The following GNAI2 variants were observed in gnomAD, a reference collection of about 807,000 sequenced individuals.
GNAI2 encodes the protein G protein subunit alpha i2, also known as guanine nucleotide-binding protein G(i) subunit alpha-2.
A neutral mutation model predicts 36.8 loss-of-function variants in GNAI2; 4 were observed. That is an observed-to-expected ratio of 0.11 (90% confidence interval 0.05 to 0.25). The LOEUF (loss-of-function observed/expected upper bound fraction) is 0.25. Among genes scored for constraint, GNAI2 ranks in the 10% least tolerant of loss-of-function variants. GNAI2 has a pLI of 1.00. For synonymous variants in GNAI2, 194 were observed against 194.1 expected, an observed-to-expected ratio of 1.00 and a Z score of 0.01; for missense variants, 230 against 481.3, an observed-to-expected ratio of 0.48 and a Z score of 4.89.
chr3:50,244,292 G>C (rs1375633599), intron 1 of GNAI2, among the ~76,000 whole-genome samples: 1 of 152,192 alleles, frequency 6.6e-6, no homozygotes. Flanking sequence ...GCCTCCCAGA[G>C]TGCTGGGATT....
chr3:50,244,025 CTTTT>C (rs782681282), intron 1 of GNAI2, among the ~76,000 whole-genome samples: 2 of 120,412 alleles, frequency 1.7e-5, no homozygotes, highest in Non-Finnish European at 1.7e-5. Context: ...CCCTCCACTC[CTTTT>C]TTTTTTTTTT....
At position 50,256,315 on chromosome 3, in the gene GNAI2, C is replaced by T. The variant is rs797039274; in HGVS notation, c.588C>T (p.His196=). 5 of 1,613,850 alleles carry T rather than the reference C, an allele frequency of 3.1e-6. No individual in the cohort carries two copies. The African/African-American group carries it at 4.0e-5, about 13-fold the overall frequency. ...CACACTTCACCTTCAAGGACCTACA[C>T]TTCAAGTGAGCGAGCATGTGGACAG... ...VETHFTFKDL[H]FKMFDVGGQR... is the part of the protein sequence containing the mutation. The change falls in exon 5 of 9, where the codon CAC becomes CAT. Residue 196 remains histidine, a synonymous_variant. Coordinates refer to ENST00000313601, the MANE Select transcript of GNAI2 (RefSeq NM_002070.4).
intron 1 of GNAI2, among the ~76,000 whole-genome samples, chr3:50,250,656 G>A (rs1700532171): frequency 6.6e-6 from 1 of 152,188 alleles, no homozygotes; most frequent in African/African-American, 2.4e-5. Context: ...GCAAGGTCAA[G>A]GTGAGGCCCT....
Position 50,253,060 on chromosome 3 carries a change from G to T in GNAI2, c.340G>T (p.Ala114Ser). 6.2e-7 allele frequency: 1 copy of T among 1,611,430 alleles called. No individual in the cohort carries two copies. Among genetic ancestry groups the T allele is most frequent in the Non-Finnish European group, 8.5e-7 (1 of 1,178,208 alleles). Reference sequence around the variant, plus strand: ...GCAGCTATTTGCACTGTCCTGCACCGCCGAGGAGCAAGGCGTGCTCCCTGA... The same window carrying T: ...GCAGCTATTTGCACTGTCCTGCACCTCCGAGGAGCAAGGCGTGCTCCCTGA... ...ARQLFALSCT[A>S]EEQGVLPDDL... is the part of the protein sequence containing the mutation. Residue 114 changes from alanine (A) to serine (S), a missense_variant, in exon 4 of 9, where the codon GCC becomes TCC. Ala to Ser is a moderately conservative substitution (Grantham distance 99, BLOSUM62 1). Coordinates refer to ENST00000313601, the MANE Select transcript of GNAI2 (RefSeq NM_002070.4). The surrounding 1 kb of genome is among the most constrained non-coding windows in gnomAD (Gnocchi z 4.2).
Position 50,252,907 on chromosome 3 carries a change from C to A in GNAI2, c.304-117C>A. On this transcript the variant is annotated intron_variant, in intron 3 of 8. Transcript: ENST00000313601. This position sits in a 1 kb window ranked among gnomAD's most constrained non-coding sequence, Gnocchi z 4.1. ...ACAACAAAAAGGTTTTAGGGCAAGTCTCATCCTAGGGAATCCAAGAATACC... is the reference window on the plus strand; with the variant it reads ...ACAACAAAAAGGTTTTAGGGCAAGTATCATCCTAGGGAATCCAAGAATACC... 1.2e-6 allele frequency: 1 copy of A among 802,546 alleles called. No homozygotes were observed. The highest frequency in any genetic ancestry group is 1.8e-5 in the South Asian group (1 of 56,016). 49.7% of individuals were successfully genotyped at this position (802,546 alleles called of 1,614,324 possible). A position where few individuals can be genotyped will look rare whatever the true frequency, so the allele number is the denominator to read the frequency against.
chr3:50,234,165 C>CAAGTG (rs1700118573), upstream of GNAI2, among the ~76,000 whole-genome samples: 1 of 149,246 alleles, frequency 6.7e-6, no homozygotes, highest in Admixed American at 6.7e-5. Context: ...CTCCTGGGTT[C>CAAGTG]ACACCATTCT....
At chr3:50,254,990 G>C (rs1430720885) in intron 4 of GNAI2, among the ~76,000 whole-genome samples, 1 of 152,240 alleles carries the variant, frequency 6.6e-6, no homozygotes. Context: ...AGAGGCTGGT[G>C]TGGAATGCAC....
At chr3:50,249,836 C>T (rs1424526279) in intron 1 of GNAI2, among the ~76,000 whole-genome samples, 1 of 152,238 alleles carries the variant, frequency 6.6e-6, no homozygotes. Context: ...CCTTTCCCCT[C>T]AGGGTGGTCT....
chr3:50,256,906 G>A, intron 6 of GNAI2, 31 bp from the exon 7 acceptor site: 1 of 1,613,716 alleles, frequency 6.2e-7, no homozygotes, highest in Non-Finnish European at 8.5e-7. Context: ...GGGAGTGGTG[G>A]CTAGCGTTGA....
rs147937896 is a variant in GNAI2 at position 50,257,645 on chromosome 3, C to T, written c.1023C>T (p.Thr341=). 6.9e-6 allele frequency: 11 copies of T among 1,604,034 alleles called. No homozygotes were observed. The highest frequency in any genetic ancestry group is 3.4e-5 in the Admixed American group (2 of 58,884). ...KNVQFVFDAV[T]DVIIKNNLKD... is the part of the protein sequence containing the mutation. ...TGCAGTTCGTGTTTGACGCCGTCAC[C>T]GATGTCATCATCAAGAACAACCTGA... Residue 341 remains threonine (T), a synonymous_variant, in exon 8 of 9, where the codon ACC becomes ACT. Coordinates refer to ENST00000313601, the MANE Select transcript of GNAI2 (RefSeq NM_002070.4).
chr3:50,257,232 G>A, intron 7 of GNAI2, 142 bp downstream of exon 7: 2 of 711,940 alleles, frequency 2.8e-6, no homozygotes, highest in African/African-American at 1.8e-5. Flanking sequence ...CCTCACTTAG[G>A]CTTGTATAGT....
intron 1 of GNAI2, among the ~76,000 whole-genome samples, chr3:50,240,591 G>A (rs186054770): frequency 9.5e-4 from 145 of 152,192 alleles, no homozygotes; most frequent in Non-Finnish European, 1.6e-3. Flanking sequence ...CAGGTTATGG[G>A]GACAGTCTAC....
At position 50,253,192 on chromosome 3, in the gene GNAI2, C is replaced by T; in HGVS notation, c.464+8C>T. The T allele has an allele frequency of 6.2e-7, 1 of 1,601,726 alleles. No individual in the cohort carries two copies. The highest frequency in any genetic ancestry group is 8.5e-7 in the Non-Finnish European group (1 of 1,170,110). On this transcript the variant is annotated splice_region_variant and intron_variant, in intron 4 of 8. Transcript: ENST00000313601. This position sits in a 1 kb window ranked among gnomAD's most constrained non-coding sequence, Gnocchi z 4.2. ...CAACGACTCAGCTGCCTAGTGAGTGCTCTGAGGGGCTGGGCAGGGCAGGGC... is the reference window on the plus strand; with the variant it reads ...CAACGACTCAGCTGCCTAGTGAGTGTTCTGAGGGGCTGGGCAGGGCAGGGC...
chr3:50,243,018 G>A (rs1553701304), intron 1 of GNAI2, among the ~76,000 whole-genome samples: 2 of 152,272 alleles, frequency 1.3e-5, no homozygotes, highest in Admixed American at 6.5e-5. Flanking sequence ...AGCAGCTGGG[G>A]GAGGAGGAGC....
At chr3:50,256,133 G>T in intron 4 of GNAI2, 59 bp from the exon 5 acceptor site, 1 of 949,760 alleles carries the variant, frequency 1.1e-6, no homozygotes, top group Non-Finnish European at 1.6e-6. Flanking sequence ...GCTGGCCCAG[G>T]GTCCAGCTAA....
upstream of GNAI2, among the ~76,000 whole-genome samples, chr3:50,233,816 A>C (rs1700110172): frequency 6.6e-6 from 1 of 151,802 alleles, no homozygotes; most frequent in Non-Finnish European, 1.5e-5. Flanking sequence ...AGACATTCAG[A>C]TAGGGATATG....
upstream of GNAI2, chr3:50,235,838 G>C (rs782108444): frequency 4.3e-4 from 66 of 152,304 alleles, no homozygotes; most frequent in Non-Finnish European, 8.4e-4. Flanking sequence ...CTCTGCCCTC[G>C]AGGGCACCGG....
rs1266993986 is a variant in GNAI2 at position 50,258,897 on chromosome 3, GGAAAA to G, written c.*555_*559del. The G allele has an allele frequency of 1.8e-5, 7 of 398,958 alleles. No homozygotes were observed. The Admixed American group carries it at 3.8e-4, about 22-fold the overall frequency. 24.7% of individuals were successfully genotyped at this position (398,958 alleles called of 1,614,324 possible). A position where few individuals can be genotyped will look rare whatever the true frequency, so the allele number is the denominator to read the frequency against. ...AGCTTTTTAAAAAAATGAAAGTAAA[GGAAAA>G]AAAAAAAACTGCAAATCTAGAAAAC... On this transcript the variant is annotated 3_prime_UTR_variant, in exon 9 of 9. Transcript: ENST00000313601.
chr3:50,244,581 T>C (rs1033513362), intron 1 of GNAI2, among the ~76,000 whole-genome samples: 3 of 152,334 alleles, frequency 2.0e-5, no homozygotes, highest in African/African-American at 7.2e-5. Flanking sequence ...GGCTGCACTG[T>C]GAGCACAGGC....
Sources: gnomAD v4.1 joint callset for allele counts (sites outside exome capture counted in the v4.1 genomes callset) on GRCh38, gnomAD v4.1.1 for gene constraint, Gnocchi (gnomAD v3.1) non-coding constraint, MANE v1.5 for transcripts, NCBI Gene and HGNC (gene_info 2026-07-23, HGNC 2026-07-21) for gene names.